GPC3: variants seen among roughly 807,000 people sequenced by gnomAD.
GPC3 encodes glypican-3.
GPC3 carries 3 observed loss-of-function variants against 34.4 expected under a neutral mutation model. That is an observed-to-expected ratio of 0.09 (90% CI 0.04 to 0.23). GPC3 has a LOEUF of 0.23. Ranked by LOEUF, GPC3 falls within the 10% of genes least tolerant of loss-of-function variation. The pLI, the probability that GPC3 is intolerant of heterozygous loss-of-function variation, is 1.00. For missense variants in GPC3, 351 were observed against 445.6 expected (o/e 0.79, Z 1.91); for synonymous variants, 177 against 174.0 (o/e 1.02, Z -0.13).
chrX:133,935,463 T>C (rs969426234), intron 2 of GPC3, among the ~76,000 whole-genome samples: 3 of 110,962 alleles, frequency 2.7e-5, no homozygotes, highest in South Asian at 7.8e-4. Flanking sequence ...TCTTCTGTCT[T>C]CTTCTCTCTC....
chrX:133,736,519 C>A (rs2071512687), intron 3 of GPC3, among the ~76,000 whole-genome samples: 1 of 112,132 alleles, frequency 8.9e-6, no homozygotes, highest in Non-Finnish European at 1.9e-5. Context: ...GTGGTATATA[C>A]ATACAATGGA....
intron 2 of GPC3, among the ~76,000 whole-genome samples, chrX:133,802,071 T>C (rs2075612589): frequency 8.9e-6 from 1 of 112,088 alleles, no homozygotes; most frequent in Non-Finnish European, 1.9e-5. Context: ...TAATCATAAA[T>C]TCCAAGCCTT....
chrX:133,698,017 A>G (rs2071132574), intron 4 of GPC3, among the ~76,000 whole-genome samples: 1 of 112,382 alleles, frequency 8.9e-6, no homozygotes, highest in Non-Finnish European at 1.9e-5. Flanking sequence ...ACTTTCTCAC[A>G]AGTTAGCAGT....
intron 3 of GPC3, among the ~76,000 whole-genome samples, chrX:133,707,177 T>C (rs953380460): frequency 2.7e-5 from 3 of 110,995 alleles, no homozygotes; most frequent in Non-Finnish European, 5.7e-5. Flanking sequence ...AACATAAAGA[T>C]GGGAATCACA....
chrX:133,814,947 T>C (rs1424557167), intron 2 of GPC3, among the ~76,000 whole-genome samples: 3 of 111,327 alleles, frequency 2.7e-5, no homozygotes, highest in Non-Finnish European at 5.7e-5. Context: ...CTTGACATGA[T>C]TGAATTGTCA....
chrX:133,964,193 A>C (rs1031642774), intron 1 of GPC3, among the ~76,000 whole-genome samples: 2 of 112,208 alleles, frequency 1.8e-5, no homozygotes, highest in East Asian at 5.6e-4. Context: ...CATCTGTGAA[A>C]ACCATATATT....
intron 1 of GPC3, among the ~76,000 whole-genome samples, chrX:133,984,359 C>T (rs1374164548): frequency 4.4e-5 from 5 of 113,247 alleles, no homozygotes; most frequent in African/African-American, 1.3e-4. Flanking sequence ...GATTCTAAGG[C>T]GGGCGTTAGG....
chrX:133,798,961 G>C (rs1458254926), intron 2 of GPC3, among the ~76,000 whole-genome samples: 5 of 111,886 alleles, frequency 4.5e-5, no homozygotes, highest in Non-Finnish European at 7.5e-5. Context: ...ATTACTTGTA[G>C]GGTCCCGTGC....
chrX:133,547,901 T>C lies in GPC3; in HGVS notation c.1574-11608A>G, dbSNP rs750447087. On this transcript the variant is annotated intron_variant, in intron 7 of 7. Transcript: ENST00000370818. ...GTCTTGAACTCCTGAGCTCAAGCCA[T>C]ATGCTTGCCTCAGCCTCCCAAAGTG... is the stretch of plus-strand genomic sequence containing the variant. 8.1e-5 allele frequency among the ~76,000 whole-genome samples: 9 copies of C among 111,212 alleles called. No homozygotes were observed. In the East Asian group the frequency reaches 2.3e-3, roughly 28 times the overall value.
intron 3 of GPC3, among the ~76,000 whole-genome samples, chrX:133,702,924 C>CT (rs750842933): frequency 8.9e-6 from 1 of 112,512 alleles, no homozygotes; most frequent in Non-Finnish European, 1.9e-5. Flanking sequence ...CTCCCTACAT[C>CT]TTTCACCTCC....
chrX:133,913,140 T>C (rs1215832813), intron 2 of GPC3, among the ~76,000 whole-genome samples: 2 of 110,808 alleles, frequency 1.8e-5, no homozygotes, highest in Non-Finnish European at 3.8e-5. Context: ...CAGTTGAAGC[T>C]CTGAGAATGA....
intron 3 of GPC3, among the ~76,000 whole-genome samples, chrX:133,738,229 G>A (rs1370640090): frequency 8.9e-6 from 1 of 112,298 alleles, no homozygotes; most frequent in Non-Finnish European, 1.9e-5. Flanking sequence ...CTCCCAAAGT[G>A]CTGGGATTAC....
chrX:133,863,732 T>TGCAAGCTCCGCTTCCCGGGA (rs1424862909), intron 2 of GPC3, among the ~76,000 whole-genome samples: 2 of 96,012 alleles, frequency 2.1e-5, no homozygotes, highest in Non-Finnish European at 4.1e-5. Context: ...CTCGGCTCAC[T>TGCAAGCTCCGCTTCCCGGGA]GCAAGCTCCG....
At chrX:133,874,676 C>T (rs2076007942) in intron 2 of GPC3, among the ~76,000 whole-genome samples, 1 of 112,092 alleles carries the variant, frequency 8.9e-6, no homozygotes, top group Non-Finnish European at 1.9e-5. Context: ...GCCAGCCTCT[C>T]AGCAGCTCAA....
intron 2 of GPC3, among the ~76,000 whole-genome samples, chrX:133,890,703 C>A (rs933725473): frequency 1.4e-4 from 15 of 109,399 alleles, no homozygotes; most frequent in Middle Eastern, 4.6e-3. Flanking sequence ...ACTAAAAATA[C>A]AAAAAAATTA....
At chrX:133,643,829 A>ATATTTTTTTTT (rs2070509742) in intron 6 of GPC3, among the ~76,000 whole-genome samples, 1 of 99,210 alleles carries the variant, frequency 1.0e-5, no homozygotes, top group African/African-American at 4.5e-5. Flanking sequence ...TTTTGTTTTT[A>ATATTTTTTTTT]TGTTTTTTTT....
chrX:133,934,237 C>G (rs1180504218), intron 2 of GPC3, among the ~76,000 whole-genome samples: 1 of 107,589 alleles, frequency 9.3e-6, no homozygotes, highest in African/African-American at 3.4e-5. Context: ...GCTCTTGTTG[C>G]CAAGGCTGGA....
chrX:133,873,029 C>T (rs1180068024), intron 2 of GPC3, among the ~76,000 whole-genome samples: 1 of 112,236 alleles, frequency 8.9e-6, no homozygotes, highest in African/African-American at 3.2e-5. Flanking sequence ...TGGTACAGAC[C>T]GTTTTCCTGA....
chrX:133,680,012 C>G (rs1384176440), intron 5 of GPC3, among the ~76,000 whole-genome samples: 1 of 111,564 alleles, frequency 9.0e-6, no homozygotes, highest in South Asian at 3.8e-4. Flanking sequence ...TGTAAAAGCT[C>G]TCAATATAGT....
Sources: gnomAD v4.1 joint callset for allele counts (sites outside exome capture counted in the v4.1 genomes callset) on GRCh38, gnomAD v4.1.1 for gene constraint, MANE v1.5 for transcripts, NCBI Gene and HGNC (gene_info 2026-07-23, HGNC 2026-07-21) for gene names.